PTK2B: variants seen among roughly 807,000 people sequenced by gnomAD.
The protein encoded by PTK2B is protein-tyrosine kinase 2-beta.
In PTK2B, 71 loss-of-function variants were observed where a neutral mutation model predicts 142.9. That is an observed-to-expected ratio of 0.50 (90% CI 0.41 to 0.61). The LOEUF is 0.61. PTK2B is among the 20% of genes least tolerant of loss of function. PTK2B has a pLI of 0.00. For synonymous variants in PTK2B, 519 were observed against 503.4 expected (o/e 1.03, Z -0.42); for missense variants, 1,105 against 1,320.4 (o/e 0.84, Z 2.53).
chr8:27,430,806 G>T (rs1442836516), intron 7 of PTK2B, 70 bp from the exon 8 acceptor site: 19 of 1,561,538 alleles, frequency 1.2e-5, no homozygotes, highest in Admixed American at 3.6e-5. Context: ...GTCTCTCAGC[G>T]AGACCCTAAG....
intron 1 of PTK2B, among the ~76,000 whole-genome samples, chr8:27,373,632 T>C (rs1806490987): frequency 6.6e-6 from 1 of 152,086 alleles, no homozygotes; most frequent in African/African-American, 2.4e-5. Flanking sequence ...CAATGAGCTA[T>C]GATCACACTA....
chr8:27,420,594 C>A, intron 3 of PTK2B, 63 bp from the exon 4 acceptor site: 1 of 1,499,472 alleles, frequency 6.7e-7, no homozygotes, highest in African/African-American at 1.4e-5. Flanking sequence ...CCCTTGGGGT[C>A]CTACTCCTTT....
chr8:27,402,841 C>T (rs62502404), intron 2 of PTK2B, among the ~76,000 whole-genome samples: 1 of 152,216 alleles, frequency 6.6e-6, no homozygotes, highest in Non-Finnish European at 1.5e-5. Context: ...CTGTAATAGC[C>T]ACATAACATC....
intron 28 of PTK2B, 23 bp from the exon 29 acceptor site, chr8:27,454,127 CACTG>C: frequency 6.2e-7 from 1 of 1,613,724 alleles, no homozygotes; most frequent in South Asian, 1.1e-5. Context: ...CTCCCCAACT[CACTG>C]GCCACCTGCG....
At position 27,439,064 on chromosome 8, in the gene PTK2B, C is replaced by T; in HGVS notation, c.1677C>T (p.Ser559=). The T allele has an allele frequency of 6.2e-7, 1 of 1,614,152 alleles. No homozygotes were observed. The change falls in exon 19 of 31, where the codon TCC becomes TCT. Residue 559 remains serine (S), a synonymous_variant. Coordinates refer to ENST00000346049, the MANE Select transcript of PTK2B (RefSeq NM_173176.3). ...DIAVRNILVA[S]PECVKLGDFG... ...CTGTCCGGAACATCCTGGTGGCCTC[C>T]CCTGAGTGTGTGAAGCTGGGGGACT... is the stretch of plus-strand genomic sequence containing the variant.
At chr8:27,340,387 A>G (rs1375185790) in intron 1 of PTK2B, among the ~76,000 whole-genome samples, 1 of 152,216 alleles carries the variant, frequency 6.6e-6, no homozygotes, top group Non-Finnish European at 1.5e-5. Context: ...TTGAGAGCAC[A>G]GCATATGCAA....
intron 1 of PTK2B, among the ~76,000 whole-genome samples, chr8:27,348,479 A>G (rs1418430769): frequency 6.6e-6 from 1 of 152,100 alleles, no homozygotes; most frequent in Non-Finnish European, 1.5e-5. Flanking sequence ...CTTGTGCATC[A>G]TCTTGATGCC....
chr8:27,437,279 T>G, intron 16 of PTK2B, 73 bp downstream of exon 16: 1 of 1,553,748 alleles, frequency 6.4e-7, no homozygotes, highest in African/African-American at 1.4e-5. Context: ...GGGTGAACAG[T>G]GCAGGGACCC....
At position 27,451,062 on chromosome 8, in the gene PTK2B, A is replaced by G; in HGVS notation, c.2507A>G (p.Asn836Ser). 1.2e-6 allele frequency: 2 copies of G among 1,612,750 alleles called. No individual in the cohort carries two copies. The highest frequency in any genetic ancestry group is 8.5e-7 in the Non-Finnish European group (1 of 1,178,778). ...CTGCAGGACCCCATGGTTTATATGAATGATAAGTCCCCATTGGTGAGTTGC... is the reference window on the plus strand; with the variant it reads ...CTGCAGGACCCCATGGTTTATATGAGTGATAAGTCCCCATTGGTGAGTTGC... ...EKSLDPMVYM[N>S]DKSPLTPEKE... is the part of the protein sequence containing the mutation. Residue 836 changes from asparagine to serine, a missense_variant, in exon 26 of 31, where the codon AAT (asparagine) becomes AGT (serine). By Grantham distance (46) the Asn-to-Ser change is conservative. Transcript: ENST00000346049.
intron 4 of PTK2B, among the ~76,000 whole-genome samples, 153 bp downstream of exon 4, chr8:27,420,897 G>A (rs560912607): frequency 6.6e-6 from 1 of 152,306 alleles, no homozygotes; most frequent in South Asian, 2.1e-4. Flanking sequence ...CTTGGTCTAT[G>A]GTCCGCGGCT....
intron 21 of PTK2B, 100 bp downstream of exon 21, chr8:27,440,541 G>A: frequency 7.2e-7 from 1 of 1,385,916 alleles, no homozygotes; most frequent in East Asian, 2.4e-5. Flanking sequence ...CCCTAAAGAA[G>A]ACGGGCCAGG....
At chr8:27,337,965 A>G (rs939483715) in intron 1 of PTK2B, among the ~76,000 whole-genome samples, 3 of 152,124 alleles carry the variant, frequency 2.0e-5, no homozygotes, top group African/African-American at 7.2e-5. Context: ...CAGCTGCCTC[A>G]TTTTTTATTC....
At chr8:27,433,338 G>C (rs748375958) in intron 10 of PTK2B, 97 bp from the exon 11 acceptor site, 2 of 1,049,528 alleles carry the variant, frequency 1.9e-6, no homozygotes, top group Non-Finnish European at 2.9e-6. Flanking sequence ...TCCAGGCAAG[G>C]GTTGTGGCAG....
chr8:27,371,275 T>C (rs534448426), intron 1 of PTK2B, among the ~76,000 whole-genome samples: 2 of 152,100 alleles, frequency 1.3e-5, no homozygotes, highest in Non-Finnish European at 2.9e-5. Flanking sequence ...TGCTGAGCAT[T>C]GAGGGAGCTA....
At chr8:27,417,453 G>A (rs1024252776) in intron 2 of PTK2B, among the ~76,000 whole-genome samples, 2 of 151,686 alleles carry the variant, frequency 1.3e-5, no homozygotes, top group Admixed American at 1.3e-4. Flanking sequence ...CATGAGGGTG[G>A]ACTGAGAAGG....
chr8:27,326,132 G>A (rs1803400831), intron 1 of PTK2B, among the ~76,000 whole-genome samples: 1 of 152,040 alleles, frequency 6.6e-6, no homozygotes, highest in Non-Finnish European at 1.5e-5. Flanking sequence ...TGACTCTCCT[G>A]CAGCCACTCC....
chr8:27,354,314 T>G (rs1217870093), intron 1 of PTK2B, among the ~76,000 whole-genome samples: 1 of 152,268 alleles, frequency 6.6e-6, no homozygotes, highest in East Asian at 1.9e-4. Flanking sequence ...CTGTGTTTGC[T>G]TCCTCTTGAT....
chr8:27,430,197 T>C, intron 6 of PTK2B, 42 bp downstream of exon 6: 4 of 1,593,052 alleles, frequency 2.5e-6, no homozygotes, highest in Non-Finnish European at 3.4e-6. Flanking sequence ...TTCCTGTCCT[T>C]CCATGTGTAC....
rs1280991942 is a variant in PTK2B, at chr8:27,393,785, T to A, written c.-37-3763T>A. 4.6e-5 allele frequency among the ~76,000 whole-genome samples: 7 copies of A among 151,664 alleles called. No individual in the cohort carries two copies. The East Asian group carries it at 1.4e-3, about 30-fold the overall frequency. On this transcript the variant is annotated intron_variant, in intron 1 of 30. Coordinates refer to ENST00000346049, the MANE Select transcript of PTK2B (RefSeq NM_173176.3). ...AGCACCGCTTCCCCCACTATCAACA[T>A]CCCTCACCCCCCAGAGTGGCGCATT...
Sources: gnomAD v4.1 joint callset for allele counts (sites outside exome capture counted in the v4.1 genomes callset) on GRCh38, gnomAD v4.1.1 for gene constraint, MANE v1.5 for transcripts, NCBI Gene and HGNC (gene_info 2026-07-23, HGNC 2026-07-21) for gene names.